PRKAR1A: variants seen among roughly 807,000 people sequenced by gnomAD.
The protein encoded by PRKAR1A is cAMP-dependent protein kinase type I-alpha regulatory subunit.
A neutral mutation model predicts 52.0 loss-of-function variants in PRKAR1A; 3 were observed. The ratio of observed to expected loss-of-function variants is 0.06; its 90% CI spans 0.03 to 0.15. PRKAR1A has a LOEUF of 0.15. PRKAR1A is among the 10% of genes least tolerant of loss of function. PRKAR1A has a pLI of 1.00. For missense variants in PRKAR1A, 240 were observed against 477.4 expected, an observed-to-expected ratio of 0.50 and a Z score of 4.63; for synonymous variants, 188 against 168.4, an observed-to-expected ratio of 1.12 and a Z score of -0.90.
At chr17:68,478,268 A>G in the PRKAR1A span, among the ~76,000 whole-genome samples, 1 of 152,158 alleles carries the variant, frequency 6.6e-6, no homozygotes, top group Non-Finnish European at 1.5e-5. Context: ...CCTGGCCAAC[A>G]TGGTGAAACC....
the PRKAR1A span, among the ~76,000 whole-genome samples, chr17:68,437,562 A>C: frequency 2.6e-5 from 4 of 152,024 alleles, no homozygotes; most frequent in Non-Finnish European, 4.4e-5. Flanking sequence ...AAGAAAAAAA[A>C]AAAAAGAAAC....
intron 2 of PRKAR1A, among the ~76,000 whole-genome samples, chr17:68,517,809 C>T (rs778744140): frequency 6.6e-6 from 1 of 152,178 alleles, no homozygotes; most frequent in African/African-American, 2.4e-5. Context: ...AGCATTAACT[C>T]AAAAGTTCAA....
the PRKAR1A span, among the ~76,000 whole-genome samples, chr17:68,489,793 T>G: frequency 6.6e-6 from 1 of 151,958 alleles, no homozygotes; most frequent in Admixed American, 6.6e-5. Flanking sequence ...TGACCTCAAG[T>G]GATCCACCCA....
rs567576686 is a variant in PRKAR1A, at chr17:68,525,093, G to A, written c.549+135G>A. ...AGATTTTATTAATACCTTTTGCCAA[G>A]TATTTTTATGACACAGAGAAACTCT... On this transcript the variant is annotated intron_variant, in intron 6 of 10. Coordinates refer to ENST00000589228, the MANE Select transcript of PRKAR1A (RefSeq NM_002734.5). 609 of 728,492 alleles carry A rather than the reference G, an allele frequency of 8.4e-4. 1 individual carries two copies. Among genetic ancestry groups the A allele is most frequent in the Non-Finnish European group, 1.3e-3 (570 of 428,076 alleles). 45.1% of individuals were successfully genotyped at this position (728,492 alleles called of 1,614,324 possible).
chr17:68,422,153 C>T, the PRKAR1A span: 13 of 238,944 alleles, frequency 5.4e-5, no homozygotes, highest in East Asian at 1.7e-4. Context: ...TTAGGCTGGG[C>T]GCGGTGGCTC....
the PRKAR1A span, among the ~76,000 whole-genome samples, chr17:68,474,446 G>C: frequency 6.6e-6 from 1 of 152,170 alleles, no homozygotes; most frequent in Non-Finnish European, 1.5e-5. Flanking sequence ...GCAGTGCCCC[G>C]GGGGCCCGCT....
the PRKAR1A span, among the ~76,000 whole-genome samples, chr17:68,497,350 C>A: frequency 6.6e-6 from 1 of 151,950 alleles, no homozygotes; most frequent in Non-Finnish European, 1.5e-5. Context: ...CCTATTTGAC[C>A]GTTGACAGAA....
chr17:68,534,560 C>CTTTTTTTTTTTTTTTTTTTTTTTTTT (rs34994040), downstream of PRKAR1A, among the ~76,000 whole-genome samples: 3 of 111,046 alleles, frequency 2.7e-5, no homozygotes, highest in Admixed American at 9.3e-5. Flanking sequence ...TTTTTAGTGC[C>CTTTTTTTTTTTTTTTTTTTTTTTTTT]TTTTTTTTTT....
At chr17:68,470,316 G>A in the PRKAR1A span, among the ~76,000 whole-genome samples, 1 of 152,166 alleles carries the variant, frequency 6.6e-6, no homozygotes, top group African/African-American at 2.4e-5. Context: ...TCCTGACTGC[G>A]TGATCCACCC....
At chr17:68,494,061 C>CT in the PRKAR1A span, among the ~76,000 whole-genome samples, 1 of 152,114 alleles carries the variant, frequency 6.6e-6, no homozygotes, top group Non-Finnish European at 1.5e-5. Context: ...TTTTAATTTT[C>CT]TTTTTTGTAT....
chr17:68,414,040 G>A, the PRKAR1A span: 1 of 155,752 alleles, frequency 6.4e-6, no homozygotes, highest in African/African-American at 2.4e-5. Context: ...GATGAACCCG[G>A]TACCTCAGAT....
chr17:68,544,079 AG>A (rs1372012355), intron 11 of PRKAR1A, among the ~76,000 whole-genome samples: 1 of 152,222 alleles, frequency 6.6e-6, no homozygotes, highest in African/African-American at 2.4e-5. Context: ...AATGGTTAGC[AG>A]AACCAGAGGT....
the PRKAR1A span, among the ~76,000 whole-genome samples, chr17:68,450,163 C>A: frequency 6.6e-6 from 1 of 151,778 alleles, no homozygotes. Flanking sequence ...GAAAATGCTA[C>A]AAAAAAAACA....
rs2085947692 is a variant in PRKAR1A, at chr17:68,530,550, C to T, written c.*101C>T. The T allele has an allele frequency of 1.2e-5, 19 of 1,604,152 alleles. No individual in the cohort carries two copies. The highest frequency in any genetic ancestry group is 1.7e-5 in the Admixed American group (1 of 58,592). On this transcript the variant is annotated 3_prime_UTR_variant, in exon 11 of 11. Coordinates refer to ENST00000589228, the MANE Select transcript of PRKAR1A (RefSeq NM_002734.5). ...ACTTGCAGCGCCAAGTGGCCACTGG[C>T]ATCGCAGCTTCCTGTCTGTTTATAT...
chr17:68,513,759 G>T (rs2085344788), intron 1 of PRKAR1A, among the ~76,000 whole-genome samples: 1 of 152,096 alleles, frequency 6.6e-6, no homozygotes, highest in South Asian at 2.1e-4. Flanking sequence ...TCCTATTACC[G>T]GTGGCTATCT....
chr17:68,499,093 A>G, the PRKAR1A span, among the ~76,000 whole-genome samples: 4 of 152,334 alleles, frequency 2.6e-5, no homozygotes, highest in African/African-American at 9.6e-5. Context: ...GAAACCTCAC[A>G]ACGGTTCCAG....
the PRKAR1A span, chr17:68,426,238 C>CGGGGGGGGGG: frequency 8.1e-6 from 5 of 615,194 alleles, 1 homozygote; most frequent in East Asian, 5.2e-5. Context: ...CATGACCTGG[C>CGGGGGGGGGG]GGGTGGGGAG....
the PRKAR1A span, among the ~76,000 whole-genome samples, chr17:68,484,422 A>G: frequency 1.3e-5 from 2 of 150,342 alleles, no homozygotes; most frequent in South Asian, 4.2e-4. Context: ...TTGACTTTGT[A>G]TCCTACAACC....
intron 9 of PRKAR1A, among the ~76,000 whole-genome samples, chr17:68,529,510 A>AGG (rs2143375766): frequency 6.6e-6 from 1 of 152,360 alleles, no homozygotes; most frequent in South Asian, 2.1e-4. Context: ...GAGACTGTAA[A>AGG]GGGCCAGGTG....
Sources: allele counts gnomAD v4.1 joint callset (sites outside exome capture counted in the v4.1 genomes callset), GRCh38; gene constraint gnomAD v4.1.1; transcripts MANE v1.5; gene names NCBI Gene and HGNC (gene_info 2026-07-23, HGNC 2026-07-21).